Variants in ZNF488 observed in about 807,000 individuals in gnomAD.
ZNF488 encodes zinc finger protein 488.
A neutral mutation model predicts 1.2 loss-of-function variants in ZNF488; 1 was observed. The ratio of observed to expected loss-of-function variants is 0.86; its 90% CI spans 0.30 to 4.07. The LOEUF is 4.07. ZNF488 is among the 30% of genes most tolerant of loss of function. The pLI is 0.18. For synonymous variants in ZNF488, 185 were observed against 190.1 expected (o/e 0.97, Z 0.22); for missense variants, 450 against 437.9 (o/e 1.03, Z -0.25).
At chr10:47,382,850 A>G (rs1838030272) in intron 1 of ZNF488, among the ~76,000 whole-genome samples, 1 of 152,232 alleles carries the variant, frequency 6.6e-6, no homozygotes, top group Non-Finnish European at 1.5e-5. Flanking sequence ...ATAAACTACA[A>G]TATCATGTTA....
In ZNF488 at chr10:47,368,759, G is replaced by C. The variant is rs782496582; in HGVS notation, c.71C>G (p.Ala24Gly). Residue 24 changes from alanine to glycine, a missense_variant, in exon 2 of 2, where the codon GCC (alanine) becomes GGC (glycine). Transcript: ENST00000585316. The part of the protein sequence containing the change: ...LVITMAAGKG[A>G]PLSPSAENRW... ...GTTTTCAGCCGATGGGCTCAACGGG[G>C]CTCCCTTCCCAGCTGCCATGGTGAT... The C allele has an allele frequency of 5.0e-6, 8 of 1,612,626 alleles. No homozygotes were observed. Among genetic ancestry groups the C allele is most frequent in the African/African-American group, 2.7e-5 (2 of 74,942 alleles).
chr10:47,378,632 CAGG>C (rs2132304719), intron 1 of ZNF488, among the ~76,000 whole-genome samples: 1 of 152,232 alleles, frequency 6.6e-6, no homozygotes, highest in East Asian at 1.9e-4. Flanking sequence ...CCACTTCCTG[CAGG>C]AGCTCTCAAG....
At chr10:47,381,859 T>A (rs797042474) in intron 1 of ZNF488, among the ~76,000 whole-genome samples, 3 of 144,328 alleles carry the variant, frequency 2.1e-5, no homozygotes, top group African/African-American at 7.7e-5. Flanking sequence ...CTGCCATGAA[T>A]ATGACTGAGG....
At chr10:47,383,789 G>T (rs1470741286) in intron 1 of ZNF488, among the ~76,000 whole-genome samples, 1 of 152,132 alleles carries the variant, frequency 6.6e-6, no homozygotes, top group Non-Finnish European at 1.5e-5. Flanking sequence ...GATAAACCCC[G>T]GGAGAGACAG....
intron 1 of ZNF488, among the ~76,000 whole-genome samples, chr10:47,383,176 C>G (rs1284256271): frequency 6.6e-6 from 1 of 150,630 alleles, no homozygotes; most frequent in Non-Finnish European, 1.5e-5. Context: ...AATATTTTCC[C>G]CTTGGCCCTC....
At chr10:47,380,145 G>C (rs1339728933) in intron 1 of ZNF488, among the ~76,000 whole-genome samples, 1 of 152,256 alleles carries the variant, frequency 6.6e-6, no homozygotes, top group East Asian at 1.9e-4. Flanking sequence ...TCACACCCGG[G>C]CTCTCACCCC....
Position 47,382,941 on chromosome 10 carries a change from T to C in ZNF488, c.-109+1279A>G, listed in dbSNP as rs1247575953. Among the ~76,000 whole-genome samples, 9 of 152,224 alleles carry C rather than the reference T, an allele frequency of 5.9e-5. No homozygotes were observed. The East Asian group carries it at 1.7e-3, about 29-fold the overall frequency. ...AACAAACAAGGGCTCTTTTATAACTTAGTGCATATATATTATGTATTTGTG... is the reference window on the plus strand; with the variant it reads ...AACAAACAAGGGCTCTTTTATAACTCAGTGCATATATATTATGTATTTGTG... On this transcript the variant is annotated intron_variant, in intron 1 of 1. Coordinates refer to ENST00000585316, the MANE Select transcript of ZNF488 (RefSeq NM_153034.4).
At position 47,365,612 on chromosome 10, in the gene ZNF488, C is replaced by G. The variant is rs532767207; in HGVS notation, c.*2195G>C. 1 of 167,240 alleles carries G rather than the reference C, an allele frequency of 6.0e-6. No homozygotes were observed. Among genetic ancestry groups the G allele is most frequent in the South Asian group, 2.1e-4 (1 of 4,824 alleles). 10.4% of individuals were successfully genotyped at this position (167,240 alleles called of 1,614,324 possible). ...CAAGGAGCTGACAGTGTGGAGGCAG[C>G]AAATCAACAAGACGACAAACAGAAA... On this transcript the variant is annotated 3_prime_UTR_variant, in exon 2 of 2. Transcript: ENST00000585316.
intron 1 of ZNF488, among the ~76,000 whole-genome samples, chr10:47,378,143 C>T (rs1432027008): frequency 2.6e-5 from 4 of 152,364 alleles, no homozygotes; most frequent in Non-Finnish European, 5.9e-5. Flanking sequence ...GTTCTCCCCA[C>T]ACATGGATCC....
intron 1 of ZNF488, among the ~76,000 whole-genome samples, chr10:47,375,637 G>T (rs1837651987): frequency 6.6e-6 from 1 of 152,220 alleles, no homozygotes; most frequent in Non-Finnish European, 1.5e-5. Context: ...TGTGATTTAG[G>T]AAAGAAGTTA....
chr10:47,380,681 CACCTTGACCAGGT>C (rs1837905605), intron 1 of ZNF488, among the ~76,000 whole-genome samples: 19 of 148,650 alleles, frequency 1.3e-4, no homozygotes, highest in South Asian at 2.1e-4. Flanking sequence ...CCCACATTAT[CACCTTGACCAGGT>C]TGTCTCAGGT....
chr10:47,381,266 A>G (rs1227885823), intron 1 of ZNF488, among the ~76,000 whole-genome samples: 1 of 9,040 alleles, frequency 1.1e-4, no homozygotes, highest in Non-Finnish European at 2.9e-4. Context: ...GCTTTGCTGC[A>G]TCTGCTTTTC....
chr10:47,379,529 G>A (rs1837829703), intron 1 of ZNF488, among the ~76,000 whole-genome samples: 1 of 143,410 alleles, frequency 7.0e-6, no homozygotes, highest in South Asian at 2.3e-4. Context: ...GAGGGTCACC[G>A]CTGTCGCATG....
At chr10:47,373,306 C>T (rs894752017) in intron 1 of ZNF488, among the ~76,000 whole-genome samples, 9 of 152,264 alleles carry the variant, frequency 5.9e-5, no homozygotes, top group East Asian at 5.8e-4. Flanking sequence ...TCAGAGAGCA[C>T]GGCACTGTAT....
intron 1 of ZNF488, among the ~76,000 whole-genome samples, chr10:47,382,528 C>T (rs1237658849): frequency 1.3e-5 from 2 of 152,024 alleles, no homozygotes; most frequent in Non-Finnish European, 1.5e-5. Context: ...AAAGCAGACA[C>T]GATGATTCTA....
At chr10:47,371,172 G>A (rs1555213831) in intron 1 of ZNF488, among the ~76,000 whole-genome samples, 1 of 152,196 alleles carries the variant, frequency 6.6e-6, no homozygotes, top group East Asian at 1.9e-4. Flanking sequence ...GCCTAACATA[G>A]TTCTGCAGTG....
chr10:47,381,454 C>T (rs1224407744), intron 1 of ZNF488, among the ~76,000 whole-genome samples: 5 of 152,288 alleles, frequency 3.3e-5, no homozygotes, highest in Non-Finnish European at 7.3e-5. Flanking sequence ...GGGAATACAC[C>T]TGTTTCCAGG....
At position 47,381,030 on chromosome 10, in the gene ZNF488, G is replaced by C. The variant is rs76593330; in HGVS notation, c.-109+3190C>G. Among the ~76,000 whole-genome samples, 871 of 114,502 alleles carry C rather than the reference G, an allele frequency of 7.6e-3. 4 individuals carry two copies. Among genetic ancestry groups the C allele is most frequent in the African/African-American group, 0.024 (779 of 32,616 alleles). The allele number at this position is 114,502 out of a possible 152,430, so 75.1% of individuals were successfully genotyped here. On this transcript the variant is annotated intron_variant, in intron 1 of 1. Transcript: ENST00000585316. The stretch of plus-strand genomic sequence containing the variant: ...AGCTCTCAGGGACCAGTGCATAACA[G>C]TGTTTAATAAATGACCAAACAGCCT...
chr10:47,366,958 AC>A lies in ZNF488; in HGVS notation c.*848del, dbSNP rs1837241848. On this transcript the variant is annotated 3_prime_UTR_variant, in exon 2 of 2. Transcript: ENST00000585316. ...ATGGTCACTCCCTTGTCACAGCTTCACCAAGGGCAGCCTACACTTTTCCACT... is the reference window on the plus strand; with the variant it reads ...ATGGTCACTCCCTTGTCACAGCTTCACAAGGGCAGCCTACACTTTTCCACT... The A allele has an allele frequency of 6.0e-6, 1 of 166,790 alleles. No individual in the cohort carries two copies. The allele number at this position is 166,790 out of a possible 1,614,324, so 10.3% of individuals were successfully genotyped here.
Sources: gnomAD v4.1 joint callset for allele counts (sites outside exome capture counted in the v4.1 genomes callset) on GRCh38, gnomAD v4.1.1 for gene constraint, MANE v1.5 for transcripts, NCBI Gene and HGNC (gene_info 2026-07-23, HGNC 2026-07-21) for gene names.